Variants in SDK1 observed in about 807,000 individuals in gnomAD.
The protein encoded by SDK1 is sidekick cell adhesion molecule 1.
Under a neutral mutation model 245.5 loss-of-function variants are expected in SDK1, and 157 were observed. The observed-to-expected ratio is 0.64, with a 90% confidence interval of 0.56 to 0.73. The LOEUF (loss-of-function observed/expected upper bound fraction) is 0.73, where lower values mean the gene tolerates loss of function less well. Among genes scored for constraint, SDK1 ranks in the 30% least tolerant of loss-of-function variants. The probability of loss-of-function intolerance (pLI) is 0.00; values close to 1 mark genes in which losing one functional copy is unlikely to be tolerated. For synonymous variants in SDK1, 1,647 were observed against 1,278.5 expected, an observed-to-expected ratio of 1.29 and a Z score of -6.15; for missense variants, 3,583 against 3,002.3, an observed-to-expected ratio of 1.19 and a Z score of -4.52.
At chr7:4,076,835 C>G (rs771400657) in intron 20 of SDK1, among the ~76,000 whole-genome samples, 163 bp from the exon 21 acceptor site, 2 of 152,142 alleles carry the variant, frequency 1.3e-5, no homozygotes, top group Non-Finnish European at 2.9e-5. Context: ...AGGAAGGAGC[C>G]TTGACCTGTG....
At chr7:3,903,048 A>T (rs1354431147) in intron 5 of SDK1, among the ~76,000 whole-genome samples, 1 of 152,208 alleles carries the variant, frequency 6.6e-6, no homozygotes, top group Non-Finnish European at 1.5e-5. Flanking sequence ...ATAATTAGCC[A>T]TCAGGGAAAT....
At chr7:3,918,126 C>G (rs1451161190) in intron 5 of SDK1, among the ~76,000 whole-genome samples, 1 of 152,196 alleles carries the variant, frequency 6.6e-6, no homozygotes, top group African/African-American at 2.4e-5. Context: ...CCTCTCACCT[C>G]AAACTCAACA....
chr7:3,974,691 C>A, intron 13 of SDK1, 146 bp downstream of exon 13: 7 of 636,460 alleles, frequency 1.1e-5, no homozygotes, highest in Non-Finnish European at 1.8e-5. Flanking sequence ...TGCATAACTA[C>A]ATATATGGAC....
chr7:4,241,832 A>G lies in SDK1; in HGVS notation c.6170A>G (p.Asp2057Gly). ...ACCATGGAGGAGTCTGTGACCCTGGACAACGGAGGATTTGCTGCCCTGGAG... is the reference window on the plus strand; with the variant it reads ...ACCATGGAGGAGTCTGTGACCCTGGGCAACGGAGGATTTGCTGCCCTGGAG... ...ISTMEESVTL[D>G]NGGFAALELS... Residue 2057 changes from aspartate (D) to glycine (G), a missense_variant, in exon 43 of 45, where the codon GAC becomes GGC. Transcript: ENST00000404826. 6.2e-7 allele frequency: 1 copy of G among 1,614,176 alleles called. No homozygotes were observed. Among genetic ancestry groups the G allele is most frequent in the Non-Finnish European group, 8.5e-7 (1 of 1,180,032 alleles).
At chr7:3,554,213 G>A (rs1043658239) in intron 1 of SDK1, among the ~76,000 whole-genome samples, 1 of 152,132 alleles carries the variant, frequency 6.6e-6, no homozygotes, top group South Asian at 2.1e-4. Context: ...CTGGGCCATA[G>A]AGCACTTTTA....
At chr7:3,808,282 G>C (rs1343519858) in intron 4 of SDK1, among the ~76,000 whole-genome samples, 1 of 152,162 alleles carries the variant, frequency 6.6e-6, no homozygotes, top group Non-Finnish European at 1.5e-5. Flanking sequence ...TGCCCCTTCT[G>C]AGAAGTGACA....
At chr7:3,319,200 C>T (rs1779734306) in intron 1 of SDK1, among the ~76,000 whole-genome samples, 1 of 152,120 alleles carries the variant, frequency 6.6e-6, no homozygotes, top group Non-Finnish European at 1.5e-5. Flanking sequence ...AGAACTGTCT[C>T]CCTGGGTTAT....
At position 3,825,627 on chromosome 7, in the gene SDK1, C is replaced by A. The variant is rs974999926; in HGVS notation, c.847+4044C>A. The stretch of plus-strand genomic sequence containing the variant: ...GGCTGACAAACCCTTGCTTTTAATT[C>A]TGAAGACCACTTAACATTCTTTTGT... On this transcript the variant is annotated intron_variant, in intron 5 of 44. Transcript: ENST00000404826. 4.6e-5 allele frequency among the ~76,000 whole-genome samples: 7 copies of A among 152,168 alleles called. 1 individual carries two copies. Among genetic ancestry groups the A allele is most frequent in the Admixed American group, 2.0e-4 (3 of 15,284 alleles).
At chr7:3,629,951 A>G (rs1219415266) in intron 2 of SDK1, among the ~76,000 whole-genome samples, 1 of 152,216 alleles carries the variant, frequency 6.6e-6, no homozygotes, top group Non-Finnish European at 1.5e-5. Flanking sequence ...AAACACAAAA[A>G]AGGCAGAAAT....
At position 4,129,582 on chromosome 7, in the gene SDK1, T is replaced by G. The variant is rs1784652139; in HGVS notation, c.3940-326T>G. The G allele has an allele frequency of 7.6e-6, 7 of 925,860 alleles. No individual in the cohort carries two copies. The East Asian group carries it at 3.9e-4, about 51-fold the overall frequency. The allele number at this position is 925,860 out of a possible 1,614,324, so 57.4% of individuals were successfully genotyped here. ...GTGGCAGGAAGCAGAGTGTTGTCTG[T>G]GTTCATAATCGAGTCTTTGTTTTAG... On this transcript the variant is annotated intron_variant, in intron 26 of 44. Transcript: ENST00000404826.
chr7:3,756,453 C>G (rs1405176670), intron 4 of SDK1, among the ~76,000 whole-genome samples: 1 of 151,820 alleles, frequency 6.6e-6, no homozygotes, highest in Non-Finnish European at 1.5e-5. Context: ...ACATGTGACA[C>G]ATGTATATCG....
chr7:3,619,981 T>C (rs1781884968), intron 2 of SDK1, among the ~76,000 whole-genome samples: 1 of 152,210 alleles, frequency 6.6e-6, no homozygotes, highest in South Asian at 2.1e-4. Flanking sequence ...TATTACATGC[T>C]GCAGTTCTGT....
At chr7:3,681,111 G>C (rs1162917748) in intron 4 of SDK1, among the ~76,000 whole-genome samples, 1 of 152,126 alleles carries the variant, frequency 6.6e-6, no homozygotes, top group Non-Finnish European at 1.5e-5. Flanking sequence ...CAGAGTGCTG[G>C]GATTACAGGC....
At chr7:3,839,416 A>G (rs1474844156) in intron 5 of SDK1, among the ~76,000 whole-genome samples, 3 of 152,198 alleles carry the variant, frequency 2.0e-5, no homozygotes, top group Admixed American at 1.3e-4. Context: ...TTGTCAGCCA[A>G]TAGATCATTA....
intron 3 of SDK1, among the ~76,000 whole-genome samples, chr7:3,640,840 C>T (rs1327837334): frequency 6.6e-6 from 1 of 152,050 alleles, no homozygotes; most frequent in Non-Finnish European, 1.5e-5. Context: ...CCCACCACCA[C>T]ACCCAGCTAA....
rs571176843 is a variant in SDK1 at position 3,306,214 on chromosome 7, A to C, written c.298+4330A>C. 2.6e-5 allele frequency among the ~76,000 whole-genome samples: 4 copies of C among 152,340 alleles called. No individual in the cohort carries two copies. In the East Asian group the frequency reaches 7.7e-4, roughly 29 times the overall value. Reference sequence around the variant, plus strand: ...ATTTACGATTATGATTGCAAAATAAAAATTACATAATTTGGAAAATAGAGA... The same window carrying C: ...ATTTACGATTATGATTGCAAAATAACAATTACATAATTTGGAAAATAGAGA... On this transcript the variant is annotated intron_variant, in intron 1 of 44. Coordinates refer to ENST00000404826, the MANE Select transcript of SDK1 (RefSeq NM_152744.4).
chr7:3,796,942 A>G (rs913109531), intron 4 of SDK1, among the ~76,000 whole-genome samples: 1 of 151,900 alleles, frequency 6.6e-6, no homozygotes, highest in Admixed American at 6.6e-5. Context: ...GTTTTATTTT[A>G]GATACACATA....
chr7:3,310,714 A>G (rs13236105), intron 1 of SDK1, among the ~76,000 whole-genome samples: 23,287 of 152,200 alleles, frequency 0.15, 2,802 homozygotes, highest in African/African-American at 0.33. Context: ...TTTTGCAACC[A>G]GAGGAGGGTC....
At chr7:4,147,156 GCA>G (rs1337941709) in intron 29 of SDK1, among the ~76,000 whole-genome samples, 2 of 152,174 alleles carry the variant, frequency 1.3e-5, no homozygotes, top group African/African-American at 4.8e-5. Flanking sequence ...GATACTTGGA[GCA>G]CACAGTTCTG....
Sources: gnomAD v4.1 joint callset for allele counts (sites outside exome capture counted in the v4.1 genomes callset) on GRCh38, gnomAD v4.1.1 for gene constraint, MANE v1.5 for transcripts, NCBI Gene and HGNC (gene_info 2026-07-23, HGNC 2026-07-21) for gene names.